SOX12: variants seen among roughly 807,000 people sequenced by gnomAD.
The protein encoded by SOX12 is transcription factor SOX-12.
SOX12 carries 8 observed loss-of-function variants against 21.5 expected under a neutral mutation model. That is an observed-to-expected ratio of 0.37 (90% CI 0.22 to 0.67). SOX12 has a LOEUF of 0.67. Ranked by LOEUF, SOX12 falls within the 30% of genes least tolerant of loss-of-function variation. The pLI is 0.56. For missense variants in SOX12, 400 were observed against 482.6 expected (o/e 0.83, Z 1.60); for synonymous variants, 235 against 224.2 (o/e 1.05, Z -0.43).
At position 327,360 on chromosome 20, in the gene SOX12, C is replaced by G. The variant is rs1206566915; in HGVS notation, c.*488C>G. Reference sequence around the variant, plus strand: ...GGGAGGGGCGCACCCCTTTTATCCCCGGAGCGCTAGGGCCCGCCCCTCCGC... The same window carrying G: ...GGGAGGGGCGCACCCCTTTTATCCCGGGAGCGCTAGGGCCCGCCCCTCCGC... On this transcript the variant is annotated 3_prime_UTR_variant, in exon 1 of 1. Coordinates refer to ENST00000342665, the MANE Select transcript of SOX12 (RefSeq NM_006943.4). The G allele has an allele frequency of 2.1e-5, 4 of 187,322 alleles. No individual in the cohort carries two copies. 11.6% of individuals were successfully genotyped at this position (187,322 alleles called of 1,614,324 possible). A position where few individuals can be genotyped will look rare whatever the true frequency, so the allele number is the denominator to read the frequency against.
rs1487158363 is a variant in SOX12, at chr20:330,178, C to G, written c.*3306C>G. ...CCCAGGCCTGCTTCCTCTTCTTCCT[C>G]TTCTTTTCACAGGTGCTTATTCCTA... is the stretch of plus-strand genomic sequence containing the variant. On this transcript the variant is annotated 3_prime_UTR_variant, in exon 1 of 1. Coordinates refer to ENST00000342665, the MANE Select transcript of SOX12 (RefSeq NM_006943.4). 1.2e-5 allele frequency: 2 copies of G among 166,982 alleles called. No individual in the cohort carries two copies. Among genetic ancestry groups the G allele is most frequent in the Non-Finnish European group, 2.9e-5 (2 of 68,196 alleles). The allele number at this position is 166,982 out of a possible 1,614,324, so 10.3% of individuals were successfully genotyped here. A position where few individuals can be genotyped will look rare whatever the true frequency, so the allele number is the denominator to read the frequency against.
rs1247389600 is a variant in SOX12 at position 327,115 on chromosome 20, A to C, written c.*243A>C. The stretch of plus-strand genomic sequence containing the variant: ...CTCCCCACGTCGCCCCCTCCTGCAC[A>C]GCCACCAGCAGCCAGCCCCCTCCGA... On this transcript the variant is annotated 3_prime_UTR_variant, in exon 1 of 1. Transcript: ENST00000342665. 1.9e-6 allele frequency: 1 copy of C among 534,620 alleles called. No individual in the cohort carries two copies. Among genetic ancestry groups the C allele is most frequent in the Non-Finnish European group, 3.4e-6 (1 of 293,722 alleles). The allele number at this position is 534,620 out of a possible 1,614,324, so 33.1% of individuals were successfully genotyped here.
At position 326,002 on chromosome 20, in the gene SOX12, G is replaced by A; in HGVS notation, c.78G>A (p.Gly26=). The change falls in exon 1 of 1, where the codon GGG becomes GGA. Residue 26 remains glycine, a synonymous_variant. Transcript: ENST00000342665. This position sits in a 1 kb window ranked among gnomAD's most constrained non-coding sequence, Gnocchi z 9.9. Reference sequence around the variant, plus strand: ...CGGGACCCGGGCCGGCCGAGGAGGGGGCGCGCGAGCCCGGCTGGTGCAAGA... The same window carrying A: ...CGGGACCCGGGCCGGCCGAGGAGGGAGCGCGCGAGCCCGGCTGGTGCAAGA... ...PPPGPGPAEE[G]AREPGWCKTP... 1 of 1,507,218 alleles carries A rather than the reference G, an allele frequency of 6.6e-7. No homozygotes were observed. The highest frequency in any genetic ancestry group is 2.2e-5 in the Admixed American group (1 of 45,902). 93.4% of individuals were successfully genotyped at this position (1,507,218 alleles called of 1,614,324 possible).
In SOX12 at chr20:327,650, A is replaced by G. The variant is rs939517103; in HGVS notation, c.*778A>G. On this transcript the variant is annotated 3_prime_UTR_variant, in exon 1 of 1. Transcript: ENST00000342665. ...CCCCTTTTCCGGTATGGGGTCTCCT[A>G]CACCCACGCGCACCACCTCTCCGGT... is the stretch of plus-strand genomic sequence containing the variant. 6.6e-5 allele frequency: 11 copies of G among 167,190 alleles called. No homozygotes were observed. Among genetic ancestry groups the G allele is most frequent in the African/African-American group, 2.6e-4 (11 of 41,562 alleles). 10.4% of individuals were successfully genotyped at this position (167,190 alleles called of 1,614,324 possible).
At position 326,513 on chromosome 20, in the gene SOX12, C is replaced by G. The variant is rs1251044891; in HGVS notation, c.589C>G (p.Arg197Gly). 2 of 1,448,074 alleles carry G rather than the reference C, an allele frequency of 1.4e-6. No individual in the cohort carries two copies. The highest frequency in any genetic ancestry group is 2.7e-5 in the East Asian group (1 of 37,594). The allele number at this position is 1,448,074 out of a possible 1,614,324, so 89.7% of individuals were successfully genotyped here. ...WRMVPAGRAA[R>G]GQAERAQGPS... Reference sequence around the variant, plus strand: ...GATGGTCCCGGCGGGACGGGCCGCTCGGGGACAAGCGGAGCGCGCCCAAGG... The same window carrying G: ...GATGGTCCCGGCGGGACGGGCCGCTGGGGGACAAGCGGAGCGCGCCCAAGG... Residue 197 changes from arginine (R) to glycine (G), a missense_variant, in exon 1 of 1, where the codon CGG (arginine) becomes GGG (glycine). Coordinates refer to ENST00000342665, the MANE Select transcript of SOX12 (RefSeq NM_006943.4). The surrounding 1 kb of genome is among the most constrained non-coding windows in gnomAD (Gnocchi z 9.9).
In SOX12 at chr20:326,389, G is replaced by C. The variant is rs1451204049; in HGVS notation, c.465G>C (p.Leu155Phe). 1 of 1,333,518 alleles carries C rather than the reference G, an allele frequency of 7.5e-7. No individual in the cohort carries two copies. Among genetic ancestry groups the C allele is most frequent in the Non-Finnish European group, 9.6e-7 (1 of 1,046,652 alleles). The allele number at this position is 1,333,518 out of a possible 1,614,324, so 82.6% of individuals were successfully genotyped here. The part of the protein sequence containing the change: ...RGGRRAAGGP[L>F]GGGAAAPEDD... ...GCCGCCGAGCAGCGGGAGGGCCTTTGGGGGGCGGGGCGGCGGCGCCCGAGG... is the reference window on the plus strand; with the variant it reads ...GCCGCCGAGCAGCGGGAGGGCCTTTCGGGGGCGGGGCGGCGGCGCCCGAGG... Residue 155 changes from leucine to phenylalanine, a missense_variant, in exon 1 of 1, where the codon TTG (leucine) becomes TTC (phenylalanine). Around this residue, in one of 4 missense-constraint regions of SOX12, gnomAD observed 235 missense variants for 219.3 expected, o/e 1.07. Coordinates refer to ENST00000342665, the MANE Select transcript of SOX12 (RefSeq NM_006943.4). The surrounding 1 kb of genome is among the most constrained non-coding windows in gnomAD (Gnocchi z 9.9).
Position 327,601 on chromosome 20 carries a change from C to G in SOX12, c.*729C>G, listed in dbSNP as rs2013124989. The G allele has an allele frequency of 6.0e-6, 1 of 167,178 alleles. No individual in the cohort carries two copies. Among genetic ancestry groups the G allele is most frequent in the Non-Finnish European group, 1.5e-5 (1 of 68,162 alleles). 10.4% of individuals were successfully genotyped at this position (167,178 alleles called of 1,614,324 possible). A position where few individuals can be genotyped will look rare whatever the true frequency, so the allele number is the denominator to read the frequency against. ...AGCACTCGGAAGGGTTGGTTTGGGC[C>G]TGAAACTCTCCCAAGTGGCATAGCC... On this transcript the variant is annotated 3_prime_UTR_variant, in exon 1 of 1. Coordinates refer to ENST00000342665, the MANE Select transcript of SOX12 (RefSeq NM_006943.4).
chr20:326,215 G>A lies in SOX12; in HGVS notation c.291G>A (p.Arg97=), dbSNP rs749297999. The change falls in exon 1 of 1, where the codon CGG becomes CGA. Residue 97 remains arginine (R), a synonymous_variant. Transcript: ENST00000342665. The surrounding 1 kb of genome is among the most constrained non-coding windows in gnomAD (Gnocchi z 9.9). ...TCGTGCGGGAGGCGGAGCGGCTGCG[G>A]CTCAAGCACATGGCGGATTACCCGG... is the stretch of plus-strand genomic sequence containing the variant. ...IPFVREAERL[R]LKHMADYPDY... The A allele has an allele frequency of 1.1e-5, 18 of 1,590,702 alleles. No homozygotes were observed. Among genetic ancestry groups the A allele is most frequent in the Non-Finnish European group, 1.5e-5 (18 of 1,169,610 alleles).
Position 326,665 on chromosome 20 carries a change from G to A in SOX12, c.741G>A (p.Ser247=), listed in dbSNP as rs745412273. Residue 247 remains serine (S), a synonymous_variant, in exon 1 of 1, where the codon TCG becomes TCA. Transcript: ENST00000342665. The surrounding 1 kb of genome is among the most constrained non-coding windows in gnomAD (Gnocchi z 9.9). ...AAGGTGAAGAGGAGACGGTGGCGTC[G>A]GGGGAGGAGTCGCTGGGCTTTCTGT... ...AEEGEEETVA[S]GEESLGFLSR... The A allele has an allele frequency of 4.5e-6, 7 of 1,555,838 alleles. No individual in the cohort carries two copies. The East Asian group carries it at 1.2e-4, about 27-fold the overall frequency.
rs1011570613 is a variant in SOX12 at position 327,743 on chromosome 20, G to A, written c.*871G>A. 7.2e-5 allele frequency: 12 copies of A among 167,166 alleles called. No individual in the cohort carries two copies. The highest frequency in any genetic ancestry group is 2.4e-5 in the African/African-American group (1 of 41,458). The allele number at this position is 167,166 out of a possible 1,614,324, so 10.4% of individuals were successfully genotyped here. A position where few individuals can be genotyped will look rare whatever the true frequency, so the allele number is the denominator to read the frequency against. On this transcript the variant is annotated 3_prime_UTR_variant, in exon 1 of 1. Transcript: ENST00000342665. ...CCCCAACTGGGAATTGAGAGGTAAGGTCTTTCTCTGGAAATCCAGCAGTAG... is the reference window on the plus strand; with the variant it reads ...CCCCAACTGGGAATTGAGAGGTAAGATCTTTCTCTGGAAATCCAGCAGTAG...
In SOX12 at chr20:325,943, G is replaced by T; in HGVS notation, c.19G>T (p.Ala7Ser). Residue 7 changes from alanine (A) to serine (S), a missense_variant, in exon 1 of 1, where the codon GCG becomes TCG. Ala to Ser is a moderately conservative substitution (Grantham distance 99, BLOSUM62 1). Around this residue, in one of 4 missense-constraint regions of SOX12, gnomAD observed 56 missense variants for 51.5 expected, o/e 1.09. Coordinates refer to ENST00000342665, the MANE Select transcript of SOX12 (RefSeq NM_006943.4). The surrounding 1 kb of genome is among the most constrained non-coding windows in gnomAD (Gnocchi z 5.0). MVQQRGARAKRDGGPPP... is the reference protein window; with the variant it reads MVQQRGSRAKRDGGPPP... ...AGGCGCGATGGTGCAGCAGCGGGGC[G>T]CGAGGGCCAAGCGGGACGGCGGGCC... 1 of 1,284,846 alleles carries T rather than the reference G, an allele frequency of 7.8e-7. No homozygotes were observed. Among genetic ancestry groups the T allele is most frequent in the Non-Finnish European group, 9.8e-7 (1 of 1,017,322 alleles). 79.6% of individuals were successfully genotyped at this position (1,284,846 alleles called of 1,614,324 possible).
In SOX12 at chr20:327,744, T is replaced by TC. The variant is rs1434430360; in HGVS notation, c.*873dup. 3 of 167,076 alleles carry TC rather than the reference T, an allele frequency of 1.8e-5. No homozygotes were observed. The highest frequency in any genetic ancestry group is 4.8e-5 in the African/African-American group (2 of 41,408). 10.3% of individuals were successfully genotyped at this position (167,076 alleles called of 1,614,324 possible). A position where few individuals can be genotyped will look rare whatever the true frequency, so the allele number is the denominator to read the frequency against. ...CCCAACTGGGAATTGAGAGGTAAGGTCTTTCTCTGGAAATCCAGCAGTAGA... is the reference window on the plus strand; with the variant it reads ...CCCAACTGGGAATTGAGAGGTAAGGTCCTTTCTCTGGAAATCCAGCAGTAGA... On this transcript the variant is annotated 3_prime_UTR_variant, in exon 1 of 1. Transcript: ENST00000342665.
Position 327,026 on chromosome 20 carries a change from C to G in SOX12, c.*154C>G, listed in dbSNP as rs1600207278. 1 of 698,360 alleles carries G rather than the reference C, an allele frequency of 1.4e-6. No individual in the cohort carries two copies. The highest frequency in any genetic ancestry group is 2.5e-6 in the Non-Finnish European group (1 of 397,050). The allele number at this position is 698,360 out of a possible 1,614,324, so 43.3% of individuals were successfully genotyped here. ...CCATCCCCCCTCAGATCCAGACATG[C>G]CCCTCCCCCGCAGACACACCCCAAG... On this transcript the variant is annotated 3_prime_UTR_variant, in exon 1 of 1. Transcript: ENST00000342665.
In SOX12 at chr20:326,011, G is replaced by C. The variant is rs1410310750; in HGVS notation, c.87G>C (p.Glu29Asp). ...GGCCGGCCGAGGAGGGGGCGCGCGA[G>C]CCCGGCTGGTGCAAGACCCCGAGCG... ...GPGPAEEGAREPGWCKTPSGH... is the reference protein window; with the variant it reads ...GPGPAEEGARDPGWCKTPSGH... Residue 29 changes from glutamate to aspartate, a missense_variant, in exon 1 of 1, where the codon GAG becomes GAC. By Grantham distance (45) the Glu-to-Asp change is conservative (BLOSUM62 2). This residue lies in a region of SOX12 where 56 missense variants were observed against 51.5 expected (regional missense o/e 1.09). Coordinates refer to ENST00000342665, the MANE Select transcript of SOX12 (RefSeq NM_006943.4). This position sits in a 1 kb window ranked among gnomAD's most constrained non-coding sequence, Gnocchi z 9.9. The C allele has an allele frequency of 1.3e-6, 2 of 1,530,562 alleles. No individual in the cohort carries two copies. Among genetic ancestry groups the C allele is most frequent in the Admixed American group, 4.1e-5 (2 of 48,580 alleles). The allele number at this position is 1,530,562 out of a possible 1,614,324, so 94.8% of individuals were successfully genotyped here.
rs1386391522 is a variant in SOX12, at chr20:326,651, G to A, written c.727G>A (p.Glu243Lys). 1.3e-6 allele frequency: 2 copies of A among 1,551,270 alleles called. No homozygotes were observed. Among genetic ancestry groups the A allele is most frequent in the Non-Finnish European group, 1.7e-6 (2 of 1,147,168 alleles). Reference sequence around the variant, plus strand: ...GGCAGCGGCTGAGGAAGGTGAAGAGGAGACGGTGGCGTCGGGGGAGGAGTC... The same window carrying A: ...GGCAGCGGCTGAGGAAGGTGAAGAGAAGACGGTGGCGTCGGGGGAGGAGTC... ...EAAAAEEGEE[E>K]TVASGEESLG... Residue 243 changes from glutamate to lysine, a missense_variant, in exon 1 of 1, where the codon GAG becomes AAG. Transcript: ENST00000342665. This position sits in a 1 kb window ranked among gnomAD's most constrained non-coding sequence, Gnocchi z 9.9.
chr20:326,630 G>T lies in SOX12; in HGVS notation c.706G>T (p.Ala236Ser). The change falls in exon 1 of 1, where the codon GCG becomes TCG. Residue 236 changes from alanine (A) to serine (S), a missense_variant. Around this residue, in one of 4 missense-constraint regions of SOX12, gnomAD observed 235 missense variants for 219.3 expected, o/e 1.07. Coordinates refer to ENST00000342665, the MANE Select transcript of SOX12 (RefSeq NM_006943.4). This position sits in a 1 kb window ranked among gnomAD's most constrained non-coding sequence, Gnocchi z 9.9. ...EPEEEEEEAA[A>S]AEEGEEETVA... ...GGAGGAAGAGGAGGAGGAGGCGGCAGCGGCTGAGGAAGGTGAAGAGGAGAC... is the reference window on the plus strand; with the variant it reads ...GGAGGAAGAGGAGGAGGAGGCGGCATCGGCTGAGGAAGGTGAAGAGGAGAC... 6.5e-7 allele frequency: 1 copy of T among 1,546,318 alleles called. No homozygotes were observed. The highest frequency in any genetic ancestry group is 8.7e-7 in the Non-Finnish European group (1 of 1,144,242).
rs1032871424 is a variant in SOX12, at chr20:330,150, A to C, written c.*3278A>C. ...GGCCTGCAGCACAATTTGACTTCCT[A>C]TGCCCAGGCCTGCTTCCTCTTCTTC... On this transcript the variant is annotated 3_prime_UTR_variant, in exon 1 of 1. Transcript: ENST00000342665. 9.6e-5 allele frequency: 16 copies of C among 167,106 alleles called. No individual in the cohort carries two copies. Among genetic ancestry groups the C allele is most frequent in the African/African-American group, 3.1e-4 (13 of 41,470 alleles). The allele number at this position is 167,106 out of a possible 1,614,324, so 10.4% of individuals were successfully genotyped here. A position where few individuals can be genotyped will look rare whatever the true frequency, so the allele number is the denominator to read the frequency against.
In SOX12 at chr20:328,263, G is replaced by GCCCCCCCCC; in HGVS notation, c.*1395_*1396insCCCCCCCCC. The GCCCCCCCCC allele has an allele frequency of 9.6e-6, 1 of 104,224 alleles. No homozygotes were observed. 6.5% of individuals were successfully genotyped at this position (104,224 alleles called of 1,614,324 possible). A position where few individuals can be genotyped will look rare whatever the true frequency, so the allele number is the denominator to read the frequency against. The stretch of plus-strand genomic sequence containing the variant: ...TCTCACGCCGCCATCTCTCTGCCCC[G>GCCCCCCCCC]CCCCGCCCCTCCGGCCTCCCCACAC... On this transcript the variant is annotated 3_prime_UTR_variant, in exon 1 of 1. Transcript: ENST00000342665.
Position 326,695 on chromosome 20 carries a change from G to A in SOX12, c.771G>A (p.Arg257=), listed in dbSNP as rs763437586. The change falls in exon 1 of 1, where the codon AGG becomes AGA. Residue 257 remains arginine (R), a synonymous_variant. Transcript: ENST00000342665. The surrounding 1 kb of genome is among the most constrained non-coding windows in gnomAD (Gnocchi z 9.9). ...SGEESLGFLS[R]LPPGPAGLDC... is the part of the protein sequence containing the mutation. ...AGGAGTCGCTGGGCTTTCTGTCCAG[G>A]CTGCCCCCTGGCCCGGCCGGCCTGG... is the stretch of plus-strand genomic sequence containing the variant. The A allele has an allele frequency of 1.6e-5, 26 of 1,584,514 alleles. No homozygotes were observed. The highest frequency in any genetic ancestry group is 2.7e-5 in the African/African-American group (2 of 74,150).
Sources: allele counts gnomAD v4.1 joint callset, GRCh38; gene constraint gnomAD v4.1.1; regional missense constraint gnomAD v4.1.1; non-coding constraint Gnocchi (gnomAD v3.1); transcripts MANE v1.5; gene names NCBI Gene and HGNC (gene_info 2026-07-23, HGNC 2026-07-21).